DPYD: variants seen among roughly 807,000 people sequenced by gnomAD.
The protein encoded by DPYD is dihydropyrimidine dehydrogenase, also known as dihydropyrimidine dehydrogenase [NADP(+)].
In DPYD, 109 loss-of-function variants were observed where a neutral mutation model predicts 116.2. The ratio of observed to expected loss-of-function variants is 0.94; its 90% CI spans 0.80 to 1.10. DPYD has a LOEUF of 1.10. Ranked by LOEUF, DPYD falls within the 50% of genes least tolerant of loss-of-function variation. DPYD has a pLI of 0.00. For synonymous variants in DPYD, 440 were observed against 432.0 expected (o/e 1.02, Z -0.23); for missense variants, 1,302 against 1,254.5 (o/e 1.04, Z -0.57).
chr1:97,573,071 T>G (rs114039816), intron 11 of DPYD, among the ~76,000 whole-genome samples: 1 of 152,002 alleles, frequency 6.6e-6, no homozygotes. Flanking sequence ...GTAAAAGGAT[T>G]TGTAAAATGA....
intron 18 of DPYD, among the ~76,000 whole-genome samples, chr1:97,262,617 T>C (rs994650240): frequency 9.2e-5 from 14 of 152,114 alleles, no homozygotes; most frequent in African/African-American, 3.4e-4. Flanking sequence ...TGTCTTAACT[T>C]CTGAACGAAG....
At chr1:97,744,363 C>T (rs1319036035) in intron 3 of DPYD, among the ~76,000 whole-genome samples, 1 of 151,974 alleles carries the variant, frequency 6.6e-6, no homozygotes, top group African/African-American at 2.4e-5. Flanking sequence ...CCATCCACAG[C>T]ATTTGGAATT....
chr1:97,725,293 G>C (rs1336911012), intron 4 of DPYD, among the ~76,000 whole-genome samples: 4 of 151,486 alleles, frequency 2.6e-5, no homozygotes, highest in Non-Finnish European at 4.4e-5. Flanking sequence ...GAAAACTGTT[G>C]AAAGGAACTA....
chr1:97,400,582 AC>A (rs1203722119), intron 14 of DPYD, among the ~76,000 whole-genome samples: 2 of 152,180 alleles, frequency 1.3e-5, no homozygotes, highest in Non-Finnish European at 2.9e-5. Flanking sequence ...CTGGTCCTGG[AC>A]TTTTTTTGGT....
At chr1:97,116,134 TG>T (rs1315073330) in intron 20 of DPYD, among the ~76,000 whole-genome samples, 1 of 152,132 alleles carries the variant, frequency 6.6e-6, no homozygotes, top group African/African-American at 2.4e-5. Flanking sequence ...GATATACATA[TG>T]AGAATATTTA....
At chr1:97,798,976 C>G (rs1470387930) in intron 3 of DPYD, among the ~76,000 whole-genome samples, 2 of 151,976 alleles carry the variant, frequency 1.3e-5, no homozygotes, top group East Asian at 3.9e-4. Context: ...ATTATGGAAC[C>G]TTTCTGAATC....
intron 8 of DPYD, among the ~76,000 whole-genome samples, chr1:97,609,707 C>G (rs1295452635): frequency 6.6e-6 from 1 of 151,842 alleles, no homozygotes; most frequent in African/African-American, 2.4e-5. Flanking sequence ...TACTTTAGGG[C>G]AGCATTTAAT....
chr1:97,756,650 C>A (rs555587993), intron 3 of DPYD, among the ~76,000 whole-genome samples: 3 of 151,862 alleles, frequency 2.0e-5, no homozygotes, highest in African/African-American at 7.2e-5. Flanking sequence ...TCAGAACAAC[C>A]CCACAGAGAG....
intron 3 of DPYD, among the ~76,000 whole-genome samples, chr1:97,764,456 T>C (rs566858288): frequency 4.6e-5 from 7 of 152,170 alleles, no homozygotes; most frequent in Admixed American, 3.3e-4. Context: ...AAAGGTGACA[T>C]TACATCTGCA....
In DPYD at chr1:97,491,085, A is replaced by C. The variant is rs1211130607; in HGVS notation, c.1740+24641T>G. On this transcript the variant is annotated intron_variant, in intron 13 of 22. Transcript: ENST00000370192. ...GACTTAAAAATATTTATAATATATA[A>C]ATATGTAAAAATTTGTTAATATATA... 6.8e-5 allele frequency among the ~76,000 whole-genome samples: 10 copies of C among 148,038 alleles called. No homozygotes were observed. The East Asian group carries it at 1.9e-3, about 29-fold the overall frequency.
intron 3 of DPYD, among the ~76,000 whole-genome samples, chr1:97,819,844 C>A (rs1668825744): frequency 1.3e-5 from 2 of 151,976 alleles, no homozygotes; most frequent in Non-Finnish European, 2.9e-5. Flanking sequence ...TGTCACAGTG[C>A]AAGTTTTCCT....
intron 11 of DPYD, among the ~76,000 whole-genome samples, chr1:97,573,281 T>C (rs1653029193): frequency 6.6e-6 from 1 of 152,062 alleles, no homozygotes; most frequent in African/African-American, 2.4e-5. Flanking sequence ...CAGGTGAAAA[T>C]GACAGACATT....
chr1:97,473,315 T>C (rs1484496732), intron 13 of DPYD, among the ~76,000 whole-genome samples: 1 of 152,236 alleles, frequency 6.6e-6, no homozygotes, highest in Non-Finnish European at 1.5e-5. Flanking sequence ...GATTTCCTTC[T>C]TTTATGGCAG....
chr1:97,513,457 A>G (rs1647960579), intron 13 of DPYD, among the ~76,000 whole-genome samples: 1 of 151,762 alleles, frequency 6.6e-6, no homozygotes, highest in Non-Finnish European at 1.5e-5. Context: ...GTACTTCATC[A>G]AAATTGTATT....
In DPYD at chr1:97,891,615, T is replaced by C. The variant is rs1672780669; in HGVS notation, c.40-8241A>G. The stretch of plus-strand genomic sequence containing the variant: ...CTAGAATTATACATCTAAAGAGAGT[T>C]TTTCTGTATTACCATTGAGGGCAAA... On this transcript the variant is annotated intron_variant, in intron 1 of 22. Coordinates refer to ENST00000370192, the MANE Select transcript of DPYD (RefSeq NM_000110.4). Among the ~76,000 whole-genome samples the C allele has an allele frequency of 2.0e-5, 3 of 151,780 alleles. No homozygotes were observed. The South Asian group carries it at 6.2e-4, about 31-fold the overall frequency.
chr1:97,699,272 A>G (rs1287698659), intron 6 of DPYD, 79 bp downstream of exon 6: 3 of 1,427,806 alleles, frequency 2.1e-6, no homozygotes, highest in Non-Finnish European at 3.0e-6. Flanking sequence ...TTCCTATATG[A>G]TTATGAACCA....
chr1:97,147,825 T>G (rs181036791), intron 20 of DPYD, among the ~76,000 whole-genome samples: 1 of 152,304 alleles, frequency 6.6e-6, no homozygotes, highest in Admixed American at 6.5e-5. Flanking sequence ...AATAGCTCTC[T>G]TTTACTGTAC....
chr1:97,480,645 T>C (rs964472601), intron 13 of DPYD, among the ~76,000 whole-genome samples: 1 of 152,228 alleles, frequency 6.6e-6, no homozygotes, highest in African/African-American at 2.4e-5. Flanking sequence ...TTTAACCTTG[T>C]GTACATTTTA....
chr1:97,809,591 C>T (rs1355150395), intron 3 of DPYD, among the ~76,000 whole-genome samples: 1 of 152,234 alleles, frequency 6.6e-6, no homozygotes, highest in East Asian at 1.9e-4. Context: ...TCAAGGACTA[C>T]CTAAAATTTG....
Sources: allele counts gnomAD v4.1 joint callset (sites outside exome capture counted in the v4.1 genomes callset), GRCh38; gene constraint gnomAD v4.1.1; transcripts MANE v1.5; gene names NCBI Gene and HGNC (gene_info 2026-07-23, HGNC 2026-07-21).